APOL3: variants seen among roughly 807,000 people sequenced by gnomAD.
APOL3 encodes the protein apolipoprotein L3.
APOL3 carries 14 observed loss-of-function variants against 11.6 expected under a neutral mutation model. The observed-to-expected ratio is 1.21, with a 90% CI of 0.80 to 1.89. The LOEUF is 1.89. APOL3 is among the 40% of genes most tolerant of loss of function. The pLI is 0.00. For missense variants in APOL3, 483 were observed against 492.1 expected (o/e 0.98, Z 0.17); for synonymous variants, 192 against 190.6 (o/e 1.01, Z -0.06).
chr22:36,141,193 T>C, exon 3 of APOL3: 1 of 1,610,636 alleles, frequency 6.2e-7, no homozygotes, highest in Non-Finnish European at 8.5e-7. Flanking sequence ...GCTGCACTGG[T>C]CTGGGGTCAG....
chr22:36,165,436 T>TA (rs904435231), upstream of APOL3: 1 of 152,026 alleles, frequency 6.6e-6, no homozygotes, highest in Non-Finnish European at 1.5e-5. Context: ...CAAACCAACT[T>TA]AAAAAAATTA....
intron 1 of APOL3, chr22:36,156,050 G>T: frequency 4.3e-6 from 1 of 230,460 alleles, no homozygotes; most frequent in South Asian, 8.7e-5. Context: ...TAGGCAGAGA[G>T]AGAGGGAGAG....
rs2060333697 is a variant in APOL3, at chr22:36,149,145, T to C, written c.224-3546A>G. 4.4e-6 allele frequency: 6 copies of C among 1,365,844 alleles called. No homozygotes were observed. Among genetic ancestry groups the C allele is most frequent in the Non-Finnish European group, 5.9e-6 (6 of 1,021,064 alleles). The allele number at this position is 1,365,844 out of a possible 1,614,324, so 84.6% of individuals were successfully genotyped here. ...AGGGTTCGTTTTTTTTCTTAACCCTTGAGGAGGAGAAAGCAAATTGTGGGA... is the reference window on the plus strand; with the variant it reads ...AGGGTTCGTTTTTTTTCTTAACCCTCGAGGAGGAGAAAGCAAATTGTGGGA... On this transcript the variant is annotated intron_variant, in intron 1 of 2. Transcript: ENST00000349314.
intron 1 of APOL3, chr22:36,149,357 CA>C: frequency 7.7e-7 from 1 of 1,306,476 alleles, no homozygotes; most frequent in Non-Finnish European, 1.0e-6. Context: ...CACACCAAGG[CA>C]GGGTCCTTTT....
chr22:36,161,637 C>T (rs1603476074), upstream of APOL3: 1 of 152,766 alleles, frequency 6.5e-6, no homozygotes, highest in Non-Finnish European at 1.5e-5. Context: ...GAGCCCACTG[C>T]CCCATGTTCC....
chr22:36,158,488 A>G (rs896967511), intron 1 of APOL3, among the ~76,000 whole-genome samples: 1 of 152,168 alleles, frequency 6.6e-6, no homozygotes, highest in Non-Finnish European at 1.5e-5. Flanking sequence ...ATCTCCTGCC[A>G]TAGGGAGTAG....
chr22:36,141,766 T>A (rs1311144221), exon 3 of APOL3: 1 of 1,614,042 alleles, frequency 6.2e-7, no homozygotes, highest in Non-Finnish European at 8.5e-7. Flanking sequence ...GCCAGACTCG[T>A]CCCTGCTGTA....
intron 1 of APOL3, among the ~76,000 whole-genome samples, chr22:36,160,371 T>C (rs976906542): frequency 1.3e-5 from 2 of 152,126 alleles, no homozygotes; most frequent in Non-Finnish European, 2.9e-5. Flanking sequence ...CTGCCTTCCT[T>C]CTGGGGTCAC....
intron 1 of APOL3, chr22:36,149,483 G>A: frequency 1.0e-6 from 1 of 1,000,434 alleles, no homozygotes; most frequent in Non-Finnish European, 1.4e-6. Context: ...TTCTGACAAT[G>A]ACCTGGGCCT....
chr22:36,141,921 A>G (rs1244729630), exon 3 of APOL3: 23 of 1,614,052 alleles, frequency 1.4e-5, no homozygotes, highest in Non-Finnish European at 1.9e-5. Flanking sequence ...GGACTCCTGG[A>G]TCTTCCTCTT....
intron 1 of APOL3, chr22:36,150,022 A>G (rs2060373760): frequency 2.5e-6 from 1 of 406,578 alleles, no homozygotes; most frequent in African/African-American, 2.1e-5. Flanking sequence ...TGTTGCCCAG[A>G]GCTGGTCTCC....
chr22:36,160,698 C>T (rs1408452542), exon 1 of APOL3: 1 of 1,614,078 alleles, frequency 6.2e-7, no homozygotes, highest in Non-Finnish European at 8.5e-7. Context: ...AGAGTGTGAG[C>T]AAGATCCAGC....
chr22:36,145,591 G>A (rs754873033), exon 2 of APOL3: 14 of 1,613,230 alleles, frequency 8.7e-6, no homozygotes, highest in African/African-American at 6.7e-5. Context: ...TCAGTAAAGC[G>A]TTTCTTTTCT....
chr22:36,146,875 G>A (rs772103102), intron 1 of APOL3, among the ~76,000 whole-genome samples: 1 of 152,152 alleles, frequency 6.6e-6, no homozygotes, highest in Non-Finnish European at 1.5e-5. Flanking sequence ...AGGGATTTGG[G>A]AATTATGGAA....
Position 36,160,766 on chromosome 22 carries a change from G to A in APOL3, c.126C>T (p.Asn42=), listed in dbSNP as rs764561915. 2.9e-5 allele frequency: 46 copies of A among 1,613,986 alleles called. No individual in the cohort carries two copies. The African/African-American group carries it at 3.2e-4, about 11-fold the overall frequency. ...GTGCATCTGCATAATAACCAGACAC[G>A]TTCTCCAGGCTCTGAGATATACCCT... The change falls in exon 1 of 3, where the codon AAC becomes AAT. Residue 42 remains asparagine, a synonymous_variant. Coordinates refer to ENST00000349314, the Ensembl canonical transcript of APOL3.
At chr22:36,158,621 C>T (rs963057085) in intron 1 of APOL3, among the ~76,000 whole-genome samples, 1 of 152,164 alleles carries the variant, frequency 6.6e-6, no homozygotes, top group Non-Finnish European at 1.5e-5. Context: ...AGATCGAGAA[C>T]ATCCTGGCTA....
Position 36,142,184 on chromosome 22 carries a change from A to G in APOL3, c.351-126T>C, listed in dbSNP as rs937257513. 1.8e-5 allele frequency: 20 copies of G among 1,114,128 alleles called. No individual in the cohort carries two copies. In the African/African-American group the frequency reaches 2.7e-4, roughly 15 times the overall value. The allele number at this position is 1,114,128 out of a possible 1,614,324, so 69.0% of individuals were successfully genotyped here. ...GAGTCAAATGGAAATAAAGCTTTAA[A>G]TTTTAAATGGAAAAATTTAAAATAA... is the stretch of plus-strand genomic sequence containing the variant. On this transcript the variant is annotated intron_variant, in intron 2 of 2. Coordinates refer to ENST00000349314, the Ensembl canonical transcript of APOL3.
intron 1 of APOL3, among the ~76,000 whole-genome samples, chr22:36,158,966 CGTGTGTGTGTGT>C (rs35041494): frequency 2.7e-5 from 4 of 150,046 alleles, no homozygotes; most frequent in Non-Finnish European, 4.5e-5. Context: ...TGTGAGTGTG[CGTGTGTGTGTGT>C]GTGTGTGTGT....
intron 1 of APOL3, chr22:36,156,833 C>T (rs953227324): frequency 1.9e-5 from 8 of 420,476 alleles, no homozygotes; most frequent in Admixed American, 1.0e-4. Flanking sequence ...GCTGCATCCC[C>T]TATGACTGAC....
Sources: gnomAD v4.1 joint callset for allele counts (sites outside exome capture counted in the v4.1 genomes callset) on GRCh38, gnomAD v4.1.1 for gene constraint, MANE v1.5 for transcripts, NCBI Gene and HGNC (gene_info 2026-07-23, HGNC 2026-07-21) for gene names.